TENM3: variants seen among roughly 807,000 people sequenced by gnomAD.
TENM3 encodes the protein teneurin-3.
TENM3 carries 63 observed loss-of-function variants against 255.1 expected under a neutral mutation model. That is an observed-to-expected ratio of 0.25 (90% confidence interval 0.20 to 0.30). The LOEUF (loss-of-function observed/expected upper bound fraction) is 0.30. TENM3 is among the 10% of genes least tolerant of loss of function. TENM3 has a pLI of 1.00. For missense variants in TENM3, 2,929 were observed against 3,461.1 expected (o/e 0.85, Z 3.86); for synonymous variants, 1,306 against 1,322.3 (o/e 0.99, Z 0.27).
Position 182,793,301 on chromosome 4 carries a change from A to T in TENM3, c.6629A>T (p.Lys2210Met). The T allele has an allele frequency of 6.2e-7, 1 of 1,613,860 alleles. No homozygotes were observed. The highest frequency in any genetic ancestry group is 1.1e-5 in the South Asian group (1 of 91,046). The change falls in exon 26 of 28, where the codon AAG becomes ATG. Residue 2210 changes from lysine to methionine, a missense_variant. Around this residue, in one of 6 missense-constraint regions of TENM3, gnomAD observed 256 missense variants for 389.3 expected, o/e 0.66. Transcript: ENST00000511685. The surrounding 1 kb of genome is among the most constrained non-coding windows in gnomAD (Gnocchi z 5.7). Reference sequence around the variant, plus strand: ...ACGGAAATCTTTGAATATAGCTCCAAGGGGCTTCTAACTCGAGTTTACAGT... The same window carrying T: ...ACGGAAATCTTTGAATATAGCTCCATGGGGCTTCTAACTCGAGTTTACAGT... ...RGTEIFEYSS[K>M]GLLTRVYSKG...
At chr4:182,056,672 T>C in the TENM3 span, among the ~76,000 whole-genome samples, 15 of 152,212 alleles carry the variant, frequency 9.9e-5, no homozygotes, top group Non-Finnish European at 2.1e-4. Flanking sequence ...CTGCATGCCA[T>C]GTTCTCTGAA....
intron 3 of TENM3, among the ~76,000 whole-genome samples, chr4:182,361,653 C>G (rs1460472599): frequency 6.6e-6 from 1 of 151,662 alleles, no homozygotes. Context: ...AACTTCTTTA[C>G]CTTTGGTTTG....
the TENM3 span, among the ~76,000 whole-genome samples, chr4:181,867,673 G>T: frequency 6.6e-6 from 1 of 152,136 alleles, no homozygotes; most frequent in Non-Finnish European, 1.5e-5. Flanking sequence ...AATACATCAG[G>T]AAATAGGTAA....
the TENM3 span, among the ~76,000 whole-genome samples, chr4:181,961,144 T>C: frequency 6.6e-6 from 1 of 152,088 alleles, no homozygotes; most frequent in East Asian, 1.9e-4. Context: ...GGAACCACTG[T>C]GCACATTGCT....
At chr4:181,512,579 A>G in the TENM3 span, among the ~76,000 whole-genome samples, 30 of 152,160 alleles carry the variant, frequency 2.0e-4, no homozygotes, top group African/African-American at 7.2e-4. Flanking sequence ...GGAAAGGCTC[A>G]ATGATTACAA....
the TENM3 span, among the ~76,000 whole-genome samples, chr4:181,955,452 C>T: frequency 2.0e-5 from 3 of 152,158 alleles, no homozygotes; most frequent in African/African-American, 7.2e-5. Flanking sequence ...GTCTGGAAGA[C>T]TATACCAGGC....
the TENM3 span, among the ~76,000 whole-genome samples, chr4:181,642,042 G>A: frequency 6.6e-6 from 1 of 151,390 alleles, no homozygotes; most frequent in African/African-American, 2.4e-5. Context: ...TTGAGGAATG[G>A]CCACACTGTT....
the TENM3 span, among the ~76,000 whole-genome samples, chr4:181,939,926 G>T: frequency 1.9e-3 from 288 of 152,214 alleles, 1 homozygote; most frequent in African/African-American, 6.6e-3. Flanking sequence ...TTTTGCCCTG[G>T]TCTCCATAAT....
the TENM3 span, among the ~76,000 whole-genome samples, chr4:181,812,026 A>G: frequency 3.3e-5 from 5 of 152,330 alleles, no homozygotes; most frequent in Non-Finnish European, 7.4e-5. Context: ...TAAAAACCGT[A>G]TCTGGCTGGA....
the TENM3 span, among the ~76,000 whole-genome samples, chr4:182,113,364 A>G: frequency 1.3e-5 from 2 of 152,188 alleles, no homozygotes; most frequent in South Asian, 4.1e-4. Context: ...TCTACAAAGA[A>G]GGGGAAAGGA....
the TENM3 span, among the ~76,000 whole-genome samples, chr4:182,064,736 C>A: frequency 6.6e-6 from 1 of 152,094 alleles, no homozygotes; most frequent in Non-Finnish European, 1.5e-5. Context: ...GAAAAGGAAG[C>A]CACTGCGGCT....
chr4:181,690,545 T>TA, the TENM3 span, among the ~76,000 whole-genome samples: 208 of 152,072 alleles, frequency 1.4e-3, 1 homozygote, highest in Non-Finnish European at 2.6e-3. Context: ...TACATATGTA[T>TA]AAAAAATCAT....
chr4:181,705,058 A>AC, the TENM3 span, among the ~76,000 whole-genome samples: 1 of 119,082 alleles, frequency 8.4e-6, no homozygotes, highest in Non-Finnish European at 1.9e-5. Context: ...AAACAAAAAA[A>AC]AAAAAACAAA....
intron 1 of TENM3, among the ~76,000 whole-genome samples, chr4:182,203,870 A>T (rs778112416): frequency 1.2e-4 from 18 of 152,238 alleles, no homozygotes; most frequent in Non-Finnish European, 1.0e-4. Context: ...GTGGAAGCAT[A>T]CAAGACCTCG....
At chr4:181,751,857 C>G in the TENM3 span, among the ~76,000 whole-genome samples, 1 of 152,150 alleles carries the variant, frequency 6.6e-6, no homozygotes, top group Non-Finnish European at 1.5e-5. Flanking sequence ...GGGACGAAGA[C>G]TGACCTGTAA....
chr4:181,749,050 G>A, the TENM3 span, among the ~76,000 whole-genome samples: 7 of 152,094 alleles, frequency 4.6e-5, no homozygotes, highest in South Asian at 1.5e-3. Context: ...GAAAGACATA[G>A]CAAGAAAAAT....
chr4:182,164,498 CTTAA>C (rs1751577713), intron 1 of TENM3, among the ~76,000 whole-genome samples: 1 of 152,202 alleles, frequency 6.6e-6, no homozygotes, highest in Non-Finnish European at 1.5e-5. Context: ...TCCATGTTGA[CTTAA>C]TTGACATTCT....
At chr4:182,269,604 C>G (rs1277746358) in intron 1 of TENM3, among the ~76,000 whole-genome samples, 2 of 151,944 alleles carry the variant, frequency 1.3e-5, no homozygotes, top group Non-Finnish European at 2.9e-5. Flanking sequence ...TTGACTTCCT[C>G]TCCATCTGAG....
intron 22 of TENM3, among the ~76,000 whole-genome samples, chr4:182,770,785 T>C (rs989856910): frequency 6.6e-6 from 1 of 152,172 alleles, no homozygotes; most frequent in African/African-American, 2.4e-5. Flanking sequence ...TCCTCACGCT[T>C]TAGCTTGCAC....
Sources: allele counts gnomAD v4.1 joint callset (sites outside exome capture counted in the v4.1 genomes callset), GRCh38; gene constraint gnomAD v4.1.1; regional missense constraint gnomAD v4.1.1; non-coding constraint Gnocchi (gnomAD v3.1); transcripts MANE v1.5; gene names NCBI Gene and HGNC (gene_info 2026-07-23, HGNC 2026-07-21).